PAQR5: variants seen among roughly 807,000 people sequenced by gnomAD.
PAQR5 encodes the protein membrane progestin receptor gamma.
Under a neutral mutation model 34.5 loss-of-function variants are expected in PAQR5, and 20 were observed. The ratio of observed to expected loss-of-function variants is 0.58; its 90% CI spans 0.41 to 0.84. PAQR5 has a LOEUF of 0.84. PAQR5 is among the 40% of genes least tolerant of loss of function. PAQR5 has a pLI of 0.00. For missense variants in PAQR5, 378 were observed against 412.7 expected, an observed-to-expected ratio of 0.92 and a Z score of 0.73; for synonymous variants, 131 against 155.6, an observed-to-expected ratio of 0.84 and a Z score of 1.18.
chr15:69,384,724 A>C lies in PAQR5; in HGVS notation c.227A>C (p.Lys76Thr), dbSNP rs903672801. 6.2e-6 allele frequency: 10 copies of C among 1,614,016 alleles called. No homozygotes were observed. Among genetic ancestry groups the C allele is most frequent in the Non-Finnish European group, 8.5e-6 (10 of 1,179,984 alleles). Residue 76 changes from lysine (K) to threonine (T), a missense_variant, in exon 5 of 9, where the codon AAG becomes ACG. By Grantham distance (78) the Lys-to-Thr change is moderately conservative. Transcript: ENST00000395407. ...FVTALYMTDI[K>T]NDSYSWPMLV... ...ACTGCACTGTATATGACAGACATCA[A>C]GAATGACAGCTACTCCTGGCCCATG...
rs374584608 is a variant in PAQR5, at chr15:69,310,835, A to G, written c.-277+11779A>G. On this transcript the variant is annotated intron_variant, in intron 1 of 8. Coordinates refer to ENST00000395407, the MANE Select transcript of PAQR5 (RefSeq NM_017705.4). ...GGGTGGATCATGAGGTCAGGAGATC[A>G]AGACCATCCTGGCTAACACGGTGAA... Among the ~76,000 whole-genome samples the G allele has an allele frequency of 9.6e-3, 1,450 of 151,226 alleles. 15 individuals carry two copies. Among genetic ancestry groups the G allele is most frequent in the South Asian group, 0.023 (112 of 4,768 alleles).
At position 69,300,613 on chromosome 15, in the gene PAQR5, CTTTCTTTCTTT is replaced by C. The variant is rs2053522765; in HGVS notation, c.-277+1558_-277+1568del. On this transcript the variant is annotated intron_variant, in intron 1 of 8. Transcript: ENST00000395407. ...TCCTTCTTTCTTTCTTTCTTTCTTT[CTTTCTTTCTTT>C]CTTTCTTTCTTTCTTTCTTTCTTTC... Among the ~76,000 whole-genome samples, 2 of 51,000 alleles carry C rather than the reference CTTTCTTTCTTT, an allele frequency of 3.9e-5. 1 individual carries two copies. Among genetic ancestry groups the C allele is most frequent in the Non-Finnish European group, 8.9e-5 (2 of 22,392 alleles). The allele number at this position is 51,000 out of a possible 152,430, so 33.5% of individuals were successfully genotyped here. A position where few individuals can be genotyped will look rare whatever the true frequency, so the allele number is the denominator to read the frequency against.
At position 69,400,419 on chromosome 15, in the gene PAQR5, C is replaced by T. The variant is rs551018196; in HGVS notation, c.751+304C>T. On this transcript the variant is annotated intron_variant, in intron 8 of 8. Transcript: ENST00000395407. ...TGATTAAGTGAACATTGGGGCTGGG[C>T]GTGGTGGCTCACACATGTAATCCCA... is the stretch of plus-strand genomic sequence containing the variant. 4.7e-4 allele frequency among the ~76,000 whole-genome samples: 71 copies of T among 152,250 alleles called. No homozygotes were observed. In the South Asian group the frequency reaches 7.5e-3, roughly 16 times the overall value.
At chr15:69,352,320 G>A (rs1042968738) in intron 2 of PAQR5, among the ~76,000 whole-genome samples, 3 of 152,212 alleles carry the variant, frequency 2.0e-5, no homozygotes, top group Non-Finnish European at 4.4e-5. Context: ...GACCTGAGCT[G>A]CGTATCATGA....
Position 69,386,177 on chromosome 15 carries a change from GCA to G in PAQR5, c.385+1300_385+1301del. Among the ~76,000 whole-genome samples the G allele has an allele frequency of 1.3e-5, 2 of 148,392 alleles. 1 individual carries two copies. Among genetic ancestry groups the G allele is most frequent in the Middle Eastern group, 7.0e-3 (2 of 284 alleles). On this transcript the variant is annotated intron_variant, in intron 5 of 8. Coordinates refer to ENST00000395407, the MANE Select transcript of PAQR5 (RefSeq NM_017705.4). The stretch of plus-strand genomic sequence containing the variant: ...CATACACACTCACATGCTCATATAC[GCA>G]CACATACTCTCAGACACTACACACA...
intron 5 of PAQR5, 44 bp from the exon 6 acceptor site, chr15:69,389,610 G>A (rs372768880): frequency 3.7e-6 from 6 of 1,612,246 alleles, no homozygotes; most frequent in Admixed American, 3.3e-5. Flanking sequence ...CCCATGTGGT[G>A]CCAAGGCCTG....
intron 1 of PAQR5, among the ~76,000 whole-genome samples, chr15:69,326,692 C>T (rs901737795): frequency 1.3e-5 from 2 of 152,200 alleles, no homozygotes; most frequent in Admixed American, 6.5e-5. Context: ...CTGCCTCGGC[C>T]TCCCAAAGTG....
At chr15:69,382,728 ATATG>A (rs1302447444) in intron 4 of PAQR5, 2 of 140,498 alleles carry the variant, frequency 1.4e-5, no homozygotes, top group African/African-American at 5.4e-5. Flanking sequence ...ATATGTATGT[ATATG>A]TGTATATATA....
At chr15:69,333,766 G>C (rs1190808136) in intron 1 of PAQR5, among the ~76,000 whole-genome samples, 3 of 152,042 alleles carry the variant, frequency 2.0e-5, no homozygotes, top group African/African-American at 7.2e-5. Flanking sequence ...TGCTTTCCCG[G>C]CCCTGCTCCT....
At chr15:69,388,293 G>A (rs1383295282) in intron 5 of PAQR5, among the ~76,000 whole-genome samples, 2 of 152,214 alleles carry the variant, frequency 1.3e-5, no homozygotes, top group Non-Finnish European at 2.9e-5. Flanking sequence ...CCTGAAAGAG[G>A]AAGTTTCCTT....
chr15:69,318,031 G>A lies in PAQR5; in HGVS notation c.-277+18975G>A, dbSNP rs552764070. ...CAGGGTTTCTTCTCTGAACTTCGCC[G>A]AGCCACCAGGCAGATCTTTTCTGAG... On this transcript the variant is annotated intron_variant, in intron 1 of 8. Transcript: ENST00000395407. Among the ~76,000 whole-genome samples, 9 of 152,322 alleles carry A rather than the reference G, an allele frequency of 5.9e-5. No homozygotes were observed. The South Asian group carries it at 1.7e-3, about 28-fold the overall frequency.
At position 69,389,798 on chromosome 15, in the gene PAQR5, C is replaced by T. The variant is rs185662439; in HGVS notation, c.512+18C>T. The T allele has an allele frequency of 1.9e-4, 313 of 1,613,528 alleles. 5 individuals carry two copies. The South Asian group carries it at 3.3e-3, about 17-fold the overall frequency. ...TACTCCAGGTACTGGTCGCTCTGACCTCAGATGGGAGGGGAGGGAGGGTCT... is the reference window on the plus strand; with the variant it reads ...TACTCCAGGTACTGGTCGCTCTGACTTCAGATGGGAGGGGAGGGAGGGTCT... On this transcript the variant is annotated intron_variant, in intron 6 of 8. Transcript: ENST00000395407.
intron 3 of PAQR5, among the ~76,000 whole-genome samples, chr15:69,373,824 G>A (rs1429065502): frequency 2.0e-5 from 3 of 152,044 alleles, no homozygotes; most frequent in South Asian, 2.1e-4. Flanking sequence ...GACTGGTCTC[G>A]AACTCCTGAC....
chr15:69,356,560 T>C (rs2055083187), intron 2 of PAQR5, among the ~76,000 whole-genome samples: 1 of 152,224 alleles, frequency 6.6e-6, no homozygotes, highest in Non-Finnish European at 1.5e-5. Flanking sequence ...GGTACCGTTG[T>C]GCAACCATCG....
intron 1 of PAQR5, among the ~76,000 whole-genome samples, chr15:69,323,129 C>T (rs184995257): frequency 6.6e-6 from 1 of 152,202 alleles, no homozygotes; most frequent in Non-Finnish European, 1.5e-5. Flanking sequence ...GAGAAGAGAA[C>T]CTTGCAGGAA....
intron 6 of PAQR5, 90 bp downstream of exon 6, chr15:69,389,870 G>A (rs2140957548): frequency 2.7e-6 from 4 of 1,471,880 alleles, no homozygotes; most frequent in Non-Finnish European, 3.7e-6. Context: ...GAAGAGGTGG[G>A]CTCAATGGAA....
At chr15:69,388,935 C>T (rs1384354178) in intron 5 of PAQR5, among the ~76,000 whole-genome samples, 2 of 152,246 alleles carry the variant, frequency 1.3e-5, no homozygotes, top group Non-Finnish European at 2.9e-5. Flanking sequence ...CTGAAGCACA[C>T]CTGGCCCCTT....
At chr15:69,356,412 G>A (rs1267780440) in intron 2 of PAQR5, among the ~76,000 whole-genome samples, 6 of 152,156 alleles carry the variant, frequency 3.9e-5, no homozygotes, top group African/African-American at 1.4e-4. Context: ...CAAAATGTAT[G>A]TGAGCTTAAA....
At chr15:69,330,620 A>G (rs898726596) in intron 1 of PAQR5, among the ~76,000 whole-genome samples, 33 of 152,120 alleles carry the variant, frequency 2.2e-4, no homozygotes, top group African/African-American at 7.0e-4. Flanking sequence ...CAAGAAGACA[A>G]CTTCGACTCC....
Sources: allele counts gnomAD v4.1 joint callset (sites outside exome capture counted in the v4.1 genomes callset), GRCh38; gene constraint gnomAD v4.1.1; transcripts MANE v1.5; gene names NCBI Gene and HGNC (gene_info 2026-07-23, HGNC 2026-07-21).